MAF: variants seen among roughly 807,000 people sequenced by gnomAD.
MAF encodes the protein MAF bZIP transcription factor.
Under a neutral mutation model 22.0 loss-of-function variants are expected in MAF, and 10 were observed. That is an observed-to-expected ratio of 0.45 (90% CI 0.28 to 0.77). The LOEUF (loss-of-function observed/expected upper bound fraction) is 0.77, where lower values mean the gene tolerates loss of function less well. Among genes scored for constraint, MAF ranks in the 30% least tolerant of loss-of-function variants. The pLI is 0.12. For synonymous variants in MAF, 337 were observed against 255.8 expected, an observed-to-expected ratio of 1.32 and a Z score of -3.03; for missense variants, 544 against 548.4, an observed-to-expected ratio of 0.99 and a Z score of 0.08.
At chr16:79,444,366 AT>A in the MAF span, among the ~76,000 whole-genome samples, 2 of 152,234 alleles carry the variant, frequency 1.3e-5, no homozygotes, top group African/African-American at 2.4e-5. Flanking sequence ...AATAATGAAA[AT>A]TAAAATATTA....
chr16:79,281,680 C>G, the MAF span, among the ~76,000 whole-genome samples: 1 of 151,588 alleles, frequency 6.6e-6, no homozygotes, highest in Non-Finnish European at 1.5e-5. Context: ...TCCTCAGTAG[C>G]TGGGACTACA....
At chr16:79,398,561 T>A in the MAF span, among the ~76,000 whole-genome samples, 1 of 152,204 alleles carries the variant, frequency 6.6e-6, no homozygotes, top group South Asian at 2.1e-4. Context: ...AGACGGAGTA[T>A]CCTAGAGATA....
At chr16:79,461,521 A>G in the MAF span, among the ~76,000 whole-genome samples, 1 of 152,118 alleles carries the variant, frequency 6.6e-6, no homozygotes, top group African/African-American at 2.4e-5. Flanking sequence ...CCAGGCCAAA[A>G]AGGCTCTTTG....
the MAF span, among the ~76,000 whole-genome samples, chr16:79,423,593 T>C: frequency 1.2e-4 from 18 of 152,332 alleles, no homozygotes; most frequent in East Asian, 2.9e-3. Context: ...GTTCACATAA[T>C]GGCTATAGCT....
chr16:79,581,314 C>T (rs911644477), downstream of MAF, among the ~76,000 whole-genome samples: 6 of 152,274 alleles, frequency 3.9e-5, no homozygotes, highest in African/African-American at 1.4e-4. Flanking sequence ...TATAAACAAG[C>T]CAGAGGCACA....
the MAF span, among the ~76,000 whole-genome samples, chr16:79,356,402 C>T: frequency 6.6e-6 from 1 of 152,214 alleles, no homozygotes; most frequent in Non-Finnish European, 1.5e-5. Flanking sequence ...CAATGCAGCG[C>T]TTTTCTGGGT....
chr16:79,340,367 C>A, the MAF span, among the ~76,000 whole-genome samples: 1 of 151,372 alleles, frequency 6.6e-6, no homozygotes, highest in East Asian at 2.0e-4. Flanking sequence ...TCATGTAACA[C>A]AGGCTTTTAA....
chr16:79,379,603 T>C, the MAF span, among the ~76,000 whole-genome samples: 2 of 152,134 alleles, frequency 1.3e-5, no homozygotes, highest in Non-Finnish European at 2.9e-5. Context: ...CTGTGTTACA[T>C]TTGCTCTGGC....
the MAF span, among the ~76,000 whole-genome samples, chr16:79,544,782 A>G: frequency 1.3e-5 from 2 of 151,826 alleles, no homozygotes; most frequent in Non-Finnish European, 2.9e-5. Context: ...CAAAAAAAAA[A>G]AAAAAAAATG....
the MAF span, among the ~76,000 whole-genome samples, chr16:79,307,081 A>C: frequency 6.6e-6 from 1 of 152,180 alleles, no homozygotes; most frequent in African/African-American, 2.4e-5. Context: ...GGATCCCAAA[A>C]ACCTGACCTT....
chr16:79,519,586 T>C, the MAF span, among the ~76,000 whole-genome samples: 1 of 152,188 alleles, frequency 6.6e-6, no homozygotes, highest in Non-Finnish European at 1.5e-5. Flanking sequence ...TTATCGCTTG[T>C]CATCGGTAAC....
chr16:79,213,775 C>T, the MAF span, among the ~76,000 whole-genome samples: 1 of 137,664 alleles, frequency 7.3e-6, no homozygotes, highest in Non-Finnish European at 1.7e-5. Context: ...CTGCACATTT[C>T]ACTCACAGCA....
At chr16:79,531,020 T>A in the MAF span, among the ~76,000 whole-genome samples, 1 of 152,234 alleles carries the variant, frequency 6.6e-6, no homozygotes, top group Non-Finnish European at 1.5e-5. Flanking sequence ...CTGGGTAATG[T>A]CGCCATTCCC....
chr16:79,527,970 C>G, the MAF span, among the ~76,000 whole-genome samples: 2 of 152,142 alleles, frequency 1.3e-5, no homozygotes, highest in Admixed American at 1.3e-4. Flanking sequence ...GGCAAAACCC[C>G]ATCTCTACTA....
the MAF span, among the ~76,000 whole-genome samples, chr16:79,390,035 C>T: frequency 6.9e-6 from 1 of 145,026 alleles, no homozygotes; most frequent in Non-Finnish European, 1.5e-5. Context: ...AGATTTTTCT[C>T]ATCTTTTTCC....
rs1216928576 is a variant in MAF at position 79,599,408 on chromosome 16, G to A, written c.495C>T (p.Ser165=). The A allele has an allele frequency of 4.4e-6, 5 of 1,139,942 alleles. No individual in the cohort carries two copies. Among genetic ancestry groups the A allele is most frequent in the Non-Finnish European group, 5.4e-6 (5 of 930,832 alleles). 70.6% of individuals were successfully genotyped at this position (1,139,942 alleles called of 1,614,324 possible). A position where few individuals can be genotyped will look rare whatever the true frequency, so the allele number is the denominator to read the frequency against. Residue 165 remains serine, a synonymous_variant, in exon 1 of 2, where the codon TCC becomes TCT. Transcript: ENST00000326043. ...EEMGPAAAVV[S]AVIAAAAAQS... ...GCGCGGCGGCCGCGGCGATCACGGCGGACACCACGGCGGCGGCGGGGCCCA... is the reference window on the plus strand; with the variant it reads ...GCGCGGCGGCCGCGGCGATCACGGCAGACACCACGGCGGCGGCGGGGCCCA...
chr16:79,366,264 C>T, the MAF span, among the ~76,000 whole-genome samples: 1 of 152,112 alleles, frequency 6.6e-6, no homozygotes, highest in Non-Finnish European at 1.5e-5. Context: ...AACGTAACTG[C>T]ACACTAGACT....
the MAF span, among the ~76,000 whole-genome samples, chr16:79,408,078 C>CAAAAAAAAAAAAAA: frequency 1.2e-5 from 1 of 81,578 alleles, no homozygotes; most frequent in Non-Finnish European, 2.1e-5. Flanking sequence ...TTTTACCTTT[C>CAAAAAAAAAAAAAA]AAAAAAAAAA....
the MAF span, among the ~76,000 whole-genome samples, chr16:79,298,459 A>C: frequency 4.0e-4 from 61 of 152,370 alleles, no homozygotes; most frequent in Non-Finnish European, 6.8e-4. Context: ...TCTGAGGACT[A>C]TAACAACCAT....
Sources: allele counts gnomAD v4.1 joint callset (sites outside exome capture counted in the v4.1 genomes callset), GRCh38; gene constraint gnomAD v4.1.1; transcripts MANE v1.5; gene names NCBI Gene and HGNC (gene_info 2026-07-23, HGNC 2026-07-21).